The following DLGAP2 variants were observed in gnomAD, a reference collection of about 807,000 sequenced individuals.
DLGAP2 encodes the protein disks large-associated protein 2.
A neutral mutation model predicts 100.3 loss-of-function variants in DLGAP2; 26 were observed. The ratio of observed to expected loss-of-function variants is 0.26; its 90% confidence interval spans 0.19 to 0.36. The LOEUF is 0.36. Among genes scored for constraint, DLGAP2 ranks in the 10% least tolerant of loss-of-function variants. DLGAP2 has a pLI of 1.00. For missense variants in DLGAP2, 1,858 were observed against 1,453.2 expected (o/e 1.28, Z -4.53); for synonymous variants, 886 against 630.1 (o/e 1.41, Z -6.08).
intron 2 of DLGAP2, among the ~76,000 whole-genome samples, chr8:1,256,166 T>C (rs113307453): frequency 0.014 from 1,384 of 102,374 alleles, no homozygotes; most frequent in African/African-American, 0.06. Flanking sequence ...TGTGTGTGTG[T>C]CCTCTCATCC....
intron 2 of DLGAP2, among the ~76,000 whole-genome samples, chr8:1,194,516 C>G (rs144786155): frequency 1.3e-5 from 2 of 152,132 alleles, no homozygotes; most frequent in Non-Finnish European, 2.9e-5. Context: ...CCCTCTGGGT[C>G]ACTCCTTGTG....
chr8:1,623,306 TGACCTGG>T (rs1261998598), intron 6 of DLGAP2, among the ~76,000 whole-genome samples: 1 of 152,172 alleles, frequency 6.6e-6, no homozygotes, highest in Non-Finnish European at 1.5e-5. Flanking sequence ...CCTGAGTGCA[TGACCTGG>T]CACCAGTGTG....
intron 8 of DLGAP2, among the ~76,000 whole-genome samples, chr8:1,661,437 G>C (rs1798406588): frequency 6.6e-6 from 1 of 152,222 alleles, no homozygotes; most frequent in Non-Finnish European, 1.5e-5. Context: ...CAATCACTGA[G>C]ACAGCGAGTA....
chr8:1,531,314 A>G (rs975051737), intron 4 of DLGAP2, among the ~76,000 whole-genome samples: 1 of 151,596 alleles, frequency 6.6e-6, no homozygotes, highest in Non-Finnish European at 1.5e-5. Context: ...AGAGATAATA[A>G]TGAGATAAGG....
chr8:1,609,689 G>A (rs1360939894), intron 6 of DLGAP2, among the ~76,000 whole-genome samples: 2 of 105,578 alleles, frequency 1.9e-5, no homozygotes, highest in Middle Eastern at 4.2e-3. Flanking sequence ...AAGGATGGAG[G>A]AAGATCTACC....
rs908879102 is a variant in DLGAP2, at chr8:1,324,224, T to G, written c.106+65341T>G. Among the ~76,000 whole-genome samples, 7 of 152,222 alleles carry G rather than the reference T, an allele frequency of 4.6e-5. 1 individual carries two copies. The highest frequency in any genetic ancestry group is 1.7e-4 in the African/African-American group (7 of 41,460). On this transcript the variant is annotated intron_variant, in intron 3 of 14. Transcript: ENST00000637795. ...TCTTTCCCAAATTAGGACAAACCACTGTCTCTGCCCCCATAAGAACAGAAT... is the reference window on the plus strand; with the variant it reads ...TCTTTCCCAAATTAGGACAAACCACGGTCTCTGCCCCCATAAGAACAGAAT...
rs574357330 is a variant in DLGAP2 at position 1,570,868 on chromosome 8, A to G, written c.1442+4974A>G. On this transcript the variant is annotated intron_variant, in intron 6 of 14. Transcript: ENST00000637795. ...GTGAACTGTGGGGATGTCTGATGAG[A>G]TGGAGAAGAGAGAGGGGTGAACTGG... is the stretch of plus-strand genomic sequence containing the variant. 5.5e-5 allele frequency among the ~76,000 whole-genome samples: 7 copies of G among 127,132 alleles called. No individual in the cohort carries two copies. The East Asian group carries it at 2.0e-3, about 36-fold the overall frequency. The allele number at this position is 127,132 out of a possible 152,430, so 83.4% of individuals were successfully genotyped here.
intron 6 of DLGAP2, among the ~76,000 whole-genome samples, chr8:1,622,829 A>C (rs59970985): frequency 0.018 from 2,722 of 152,312 alleles, 91 homozygotes; most frequent in African/African-American, 0.061. Context: ...AAAGGGGCTG[A>C]AAGTCAACTT....
chr8:859,114 C>CT (rs113689898), intron 1 of DLGAP2, among the ~76,000 whole-genome samples: 361 of 142,400 alleles, frequency 2.5e-3, no homozygotes, highest in African/African-American at 3.3e-3. Flanking sequence ...CCTTAGTCTT[C>CT]TTTTTTTTTT....
chr8:1,098,612 G>GACGCCGCCACCCACTCCAGGCTCCCGGCC, intron 2 of DLGAP2, among the ~76,000 whole-genome samples: 1 of 106,476 alleles, frequency 9.4e-6, no homozygotes, highest in Non-Finnish European at 2.2e-5. Flanking sequence ...GCCGCCCACG[G>GACGCCGCCACCCACTCCAGGCTCCCGGCC]GCGCCGCCAC....
chr8:1,430,015 T>TATATATATATAC (rs1554467379), intron 3 of DLGAP2, among the ~76,000 whole-genome samples: 1 of 90,768 alleles, frequency 1.1e-5, no homozygotes, highest in Non-Finnish European at 2.1e-5. Flanking sequence ...TACATATATA[T>TATATATATATAC]ATATATATAT....
intron 3 of DLGAP2, among the ~76,000 whole-genome samples, chr8:1,317,112 G>A (rs1251486672): frequency 5.8e-5 from 8 of 139,054 alleles, no homozygotes; most frequent in African/African-American, 1.4e-4. Flanking sequence ...TAGAGCCTGT[G>A]CGAGTGCAGC....
At chr8:1,676,140 C>T (rs1798805939) in intron 10 of DLGAP2, among the ~76,000 whole-genome samples, 4 of 152,134 alleles carry the variant, frequency 2.6e-5, no homozygotes, top group South Asian at 2.1e-4. Flanking sequence ...TCTTTTAAAT[C>T]GCTTATTTGT....
chr8:1,327,449 A>C (rs1464480588), intron 3 of DLGAP2, among the ~76,000 whole-genome samples: 1 of 152,160 alleles, frequency 6.6e-6, no homozygotes, highest in Non-Finnish European at 1.5e-5. Flanking sequence ...TGGTTTAGTG[A>C]CTTCTCGTCA....
chr8:1,367,563 C>G (rs1029862511), intron 3 of DLGAP2, among the ~76,000 whole-genome samples: 2 of 152,216 alleles, frequency 1.3e-5, no homozygotes, highest in Non-Finnish European at 2.9e-5. Context: ...TTGTCACCTC[C>G]CCTCTAGAGC....
chr8:1,073,210 C>G (rs1218640242), intron 2 of DLGAP2, among the ~76,000 whole-genome samples: 1 of 152,188 alleles, frequency 6.6e-6, no homozygotes, highest in Non-Finnish European at 1.5e-5. Context: ...CATTTGAGAT[C>G]ATCTTTCTCT....
chr8:1,583,980 G>A (rs1439157241), intron 6 of DLGAP2, among the ~76,000 whole-genome samples: 1 of 151,998 alleles, frequency 6.6e-6, no homozygotes, highest in Non-Finnish European at 1.5e-5. Flanking sequence ...TGCCTCCTCT[G>A]GGAAGGCTCC....
chr8:794,209 T>C (rs1464562752), intron 1 of DLGAP2, among the ~76,000 whole-genome samples: 5 of 152,128 alleles, frequency 3.3e-5, no homozygotes, highest in Admixed American at 1.3e-4. Context: ...GGCGTGTTTC[T>C]AGCTGCAGAA....
intron 2 of DLGAP2, among the ~76,000 whole-genome samples, chr8:1,081,130 G>T (rs148376913): frequency 3.1e-4 from 47 of 152,122 alleles, no homozygotes; most frequent in African/African-American, 1.0e-3. Flanking sequence ...AATGCTGAAC[G>T]TGCCACCTTT....
Sources: allele counts gnomAD v4.1 joint callset (sites outside exome capture counted in the v4.1 genomes callset), GRCh38; gene constraint gnomAD v4.1.1; transcripts MANE v1.5; gene names NCBI Gene and HGNC (gene_info 2026-07-23, HGNC 2026-07-21).